USP37: variants seen among roughly 807,000 people sequenced by gnomAD.
USP37 encodes the protein ubiquitin carboxyl-terminal hydrolase 37.
In USP37, 27 loss-of-function variants were observed where a neutral mutation model predicts 124.0. The observed-to-expected ratio is 0.22, with a 90% CI of 0.16 to 0.30. The LOEUF is 0.30. Ranked by LOEUF, USP37 falls within the 10% of genes least tolerant of loss-of-function variation. The pLI is 1.00. For synonymous variants in USP37, 365 were observed against 388.0 expected, an observed-to-expected ratio of 0.94 and a Z score of 0.70; for missense variants, 889 against 1,140.4, an observed-to-expected ratio of 0.78 and a Z score of 3.17.
Position 218,466,074 on chromosome 2 carries a change from T to G in USP37, c.2402A>C (p.Asp801Ala), listed in dbSNP as rs768869227. ...TTGCTCTTCCCTTTCACGCTCCATA[T>G]CATACTGCTGGAGCCAATCAACTTC... is the stretch of plus-strand genomic sequence containing the variant. The part of the protein sequence containing the change: ...QGEVDWLQQY[D>A]MEREREEQEL... Residue 801 changes from aspartate to alanine, a missense_variant, in exon 21 of 26, where the codon GAT becomes GCT. Asp to Ala is a moderately radical substitution (Grantham distance 126, BLOSUM62 -2). Transcript: ENST00000258399. The G allele has an allele frequency of 1.9e-6, 3 of 1,613,892 alleles. No individual in the cohort carries two copies. Among genetic ancestry groups the G allele is most frequent in the Non-Finnish European group, 2.5e-6 (3 of 1,180,014 alleles).
intron 19 of USP37, among the ~76,000 whole-genome samples, chr2:218,476,631 A>T (rs1264109473): frequency 6.6e-6 from 1 of 152,218 alleles, no homozygotes; most frequent in Non-Finnish European, 1.5e-5. Flanking sequence ...ATGCAAAAGT[A>T]GCTTTGAAGG....
chr2:218,491,719 G>A (rs1688788217), intron 14 of USP37, among the ~76,000 whole-genome samples: 1 of 152,134 alleles, frequency 6.6e-6, no homozygotes, highest in African/African-American at 2.4e-5. Context: ...TACTGGGAGA[G>A]ACAATGAAAT....
intron 21 of USP37, 142 bp downstream of exon 21, chr2:218,465,866 CTT>C (rs564099929): frequency 9.0e-7 from 1 of 1,106,392 alleles, no homozygotes; most frequent in African/African-American, 1.6e-5. Context: ...TCAAACAAGT[CTT>C]TTTTTTCCCC....
chr2:218,483,437 A>G (rs541394789), intron 16 of USP37, among the ~76,000 whole-genome samples: 1 of 151,998 alleles, frequency 6.6e-6, no homozygotes, highest in East Asian at 1.9e-4. Context: ...TAAACTGAAC[A>G]AAAGTAGAAC....
chr2:218,512,130 C>A (rs990707622), intron 10 of USP37, among the ~76,000 whole-genome samples: 4 of 152,088 alleles, frequency 2.6e-5, no homozygotes, highest in African/African-American at 9.7e-5. Context: ...ATGCCTGTAA[C>A]CCCAACGCTC....
At chr2:218,457,308 G>C in intron 23 of USP37, 147 bp from the exon 24 acceptor site, 1 of 703,808 alleles carries the variant, frequency 1.4e-6, no homozygotes, top group Non-Finnish European at 2.3e-6. Context: ...CATACCCTTT[G>C]ACCCAAGAAT....
intron 10 of USP37, among the ~76,000 whole-genome samples, chr2:218,512,010 G>A (rs538611522): frequency 3.7e-4 from 56 of 152,062 alleles, no homozygotes; most frequent in Middle Eastern, 3.4e-3. Flanking sequence ...TTACTTTTCT[G>A]TAAGGCAAAC....
At chr2:218,547,191 G>C (rs933699396) in intron 6 of USP37, 100 bp from the exon 7 acceptor site, 6 of 1,311,684 alleles carry the variant, frequency 4.6e-6, no homozygotes, top group African/African-American at 3.0e-5. Flanking sequence ...TACAAATGGA[G>C]CCAGGTGCGA....
intron 8 of USP37, among the ~76,000 whole-genome samples, chr2:218,539,338 C>T (rs1410386665): frequency 6.6e-6 from 1 of 152,140 alleles, no homozygotes; most frequent in African/African-American, 2.4e-5. Context: ...CAAAAAGTAA[C>T]ATACATTTTT....
At chr2:218,550,791 AT>A (rs1326223197) in intron 5 of USP37, among the ~76,000 whole-genome samples, 1 of 151,688 alleles carries the variant, frequency 6.6e-6, no homozygotes, top group Non-Finnish European at 1.5e-5. Flanking sequence ...TGAATTCTCT[AT>A]TTGCAGTTTT....
At chr2:218,523,977 A>G (rs1690807315) in intron 10 of USP37, among the ~76,000 whole-genome samples, 1 of 152,218 alleles carries the variant, frequency 6.6e-6, no homozygotes, top group Non-Finnish European at 1.5e-5. Context: ...ACTTTTTATC[A>G]AACTAGGAAC....
At chr2:218,552,055 G>C (rs974990057) in intron 5 of USP37, among the ~76,000 whole-genome samples, 2 of 152,256 alleles carry the variant, frequency 1.3e-5, no homozygotes, top group Admixed American at 6.5e-5. Flanking sequence ...GCCTCCCAAA[G>C]TGCTGGGATT....
At position 218,454,159 on chromosome 2, in the gene USP37, C is replaced by G. The variant is rs1689579067; in HGVS notation, c.*771G>C. The G allele has an allele frequency of 6.6e-6, 1 of 152,624 alleles. No homozygotes were observed. Among genetic ancestry groups the G allele is most frequent in the South Asian group, 2.1e-4 (1 of 4,834 alleles). The allele number at this position is 152,624 out of a possible 1,614,324, so 9.5% of individuals were successfully genotyped here. ...TGATGAACATACTGTGTGAAGAAATCTCCTTAGAGAAAACAAAGTATATAA... is the reference window on the plus strand; with the variant it reads ...TGATGAACATACTGTGTGAAGAAATGTCCTTAGAGAAAACAAAGTATATAA... On this transcript the variant is annotated 3_prime_UTR_variant, in exon 26 of 26. Coordinates refer to ENST00000258399, the MANE Select transcript of USP37 (RefSeq NM_020935.3).
chr2:218,538,839 T>C (rs530603781), intron 8 of USP37, among the ~76,000 whole-genome samples: 15 of 152,330 alleles, frequency 9.8e-5, no homozygotes, highest in Non-Finnish European at 1.8e-4. Context: ...AGGGTACATG[T>C]TCTAAGACCC....
At chr2:218,554,536 C>T (rs1191473228) in intron 4 of USP37, among the ~76,000 whole-genome samples, 3 of 152,136 alleles carry the variant, frequency 2.0e-5, no homozygotes, top group Non-Finnish European at 2.9e-5. Context: ...CACCTGAGGT[C>T]AGGAGTTCAA....
rs1443468344 is a variant in USP37 at position 218,452,859 on chromosome 2, G to T, written c.*2071C>A. On this transcript the variant is annotated 3_prime_UTR_variant, in exon 26 of 26. Transcript: ENST00000258399. ...GTAAAAGAATTAATAACTAGCCAAA[G>T]AATTTTATCACCGCTTCACTCATTT... 3 of 152,130 alleles carry T rather than the reference G, an allele frequency of 2.0e-5. No homozygotes were observed. The highest frequency in any genetic ancestry group is 4.4e-5 in the Non-Finnish European group (3 of 68,014). 9.4% of individuals were successfully genotyped at this position (152,130 alleles called of 1,614,324 possible).
At chr2:218,457,850 A>C (rs962798553) in intron 23 of USP37, among the ~76,000 whole-genome samples, 1 of 151,794 alleles carries the variant, frequency 6.6e-6, no homozygotes, top group Non-Finnish European at 1.5e-5. Flanking sequence ...GATTGAGACC[A>C]TCCTGCCTAA....
chr2:218,451,472 T>A lies in USP37; in HGVS notation c.*3458A>T, dbSNP rs940635743. 1 of 152,192 alleles carries A rather than the reference T, an allele frequency of 6.6e-6. No homozygotes were observed. Among genetic ancestry groups the A allele is most frequent in the Non-Finnish European group, 1.5e-5 (1 of 68,042 alleles). The allele number at this position is 152,192 out of a possible 1,614,324, so 9.4% of individuals were successfully genotyped here. A position where few individuals can be genotyped will look rare whatever the true frequency, so the allele number is the denominator to read the frequency against. ...TTTCAGAGGACAGAGAAGGAAAATATTTTAATTTGCTTTAATATAACCTCT... is the reference window on the plus strand; with the variant it reads ...TTTCAGAGGACAGAGAAGGAAAATAATTTAATTTGCTTTAATATAACCTCT... On this transcript the variant is annotated 3_prime_UTR_variant, in exon 26 of 26. Transcript: ENST00000258399.
In USP37 at chr2:218,453,726, A is replaced by C. The variant is rs999153472; in HGVS notation, c.*1204T>G. ...TAAAAAGTAGATAAATAAATTATGC[A>C]CCTTTGTTATTTGTTAGTTTTTGGG... On this transcript the variant is annotated 3_prime_UTR_variant, in exon 26 of 26. Coordinates refer to ENST00000258399, the MANE Select transcript of USP37 (RefSeq NM_020935.3). 1.3e-5 allele frequency: 2 copies of C among 152,198 alleles called. No homozygotes were observed. The highest frequency in any genetic ancestry group is 4.8e-5 in the African/African-American group (2 of 41,448). The allele number at this position is 152,198 out of a possible 1,614,324, so 9.4% of individuals were successfully genotyped here.
Sources: gnomAD v4.1 joint callset for allele counts (sites outside exome capture counted in the v4.1 genomes callset) on GRCh38, gnomAD v4.1.1 for gene constraint, MANE v1.5 for transcripts, NCBI Gene and HGNC (gene_info 2026-07-23, HGNC 2026-07-21) for gene names.